SORCS3: variants seen among roughly 807,000 people sequenced by gnomAD.
The protein encoded by SORCS3 is VPS10 domain-containing receptor SorCS3.
Under a neutral mutation model 146.3 loss-of-function variants are expected in SORCS3, and 57 were observed. That is an observed-to-expected ratio of 0.39 (90% CI 0.31 to 0.49). The LOEUF is 0.49. Among genes scored for constraint, SORCS3 ranks in the 20% least tolerant of loss-of-function variants. SORCS3 has a pLI of 0.92. For synonymous variants in SORCS3, 653 were observed against 618.5 expected (o/e 1.06, Z -0.83); for missense variants, 1,341 against 1,575.5 (o/e 0.85, Z 2.52).
intron 1 of SORCS3, among the ~76,000 whole-genome samples, chr10:104,714,921 C>A (rs2016458776): frequency 6.6e-6 from 1 of 152,082 alleles, no homozygotes; most frequent in Non-Finnish European, 1.5e-5. Context: ...ATTAGGAAGA[C>A]CAGAGTCAAG....
At chr10:104,960,252 C>T (rs1366691149) in intron 3 of SORCS3, among the ~76,000 whole-genome samples, 1 of 152,132 alleles carries the variant, frequency 6.6e-6, no homozygotes, top group African/African-American at 2.4e-5. Context: ...AGATTGTTTT[C>T]CTCACGATAA....
intron 1 of SORCS3, among the ~76,000 whole-genome samples, chr10:104,772,711 C>T (rs555122478): frequency 6.6e-6 from 1 of 152,312 alleles, no homozygotes; most frequent in South Asian, 2.1e-4. Context: ...CCAGGAAAGA[C>T]CTCTTTCCTC....
chr10:104,730,099 G>A (rs2016689088), intron 1 of SORCS3, among the ~76,000 whole-genome samples: 1 of 152,184 alleles, frequency 6.6e-6, no homozygotes, highest in South Asian at 2.1e-4. Context: ...AAGATTCTAA[G>A]AGTCAAAATT....
intron 5 of SORCS3, among the ~76,000 whole-genome samples, chr10:105,080,319 G>A (rs1181553850): frequency 6.6e-6 from 1 of 152,134 alleles, no homozygotes; most frequent in Non-Finnish European, 1.5e-5. Flanking sequence ...ATGATGTTGA[G>A]CTGTTTTTCA....
chr10:104,742,348 T>A (rs2016858354), intron 1 of SORCS3, among the ~76,000 whole-genome samples: 1 of 152,224 alleles, frequency 6.6e-6, no homozygotes, highest in Admixed American at 6.5e-5. Context: ...ACCTTAGTAG[T>A]GTGCTGTGTG....
rs144656820 is a variant in SORCS3 at position 105,133,147 on chromosome 10, G to A, written c.1213-6250G>A. 1.6e-3 allele frequency among the ~76,000 whole-genome samples: 247 copies of A among 152,248 alleles called. 1 individual carries two copies. Among genetic ancestry groups the A allele is most frequent in the African/African-American group, 5.8e-3 (239 of 41,544 alleles). ...TGCGATCTTTGGAAAATAAATTCCT[G>A]CTTTTGTGAGGACTCTGCCCCTGAA... On this transcript the variant is annotated intron_variant, in intron 7 of 26. Transcript: ENST00000369701.
At chr10:104,723,616 G>C (rs1448432467) in intron 1 of SORCS3, among the ~76,000 whole-genome samples, 1 of 152,130 alleles carries the variant, frequency 6.6e-6, no homozygotes, top group Admixed American at 6.5e-5. Context: ...GGGAATCTAA[G>C]TCTCTTTGTA....
At position 104,842,841 on chromosome 10, in the gene SORCS3, C is replaced by A; in HGVS notation, c.677C>A (p.Thr226Asn). The A allele has an allele frequency of 6.2e-7, 1 of 1,613,892 alleles. No individual in the cohort carries two copies. Among genetic ancestry groups the A allele is most frequent in the Non-Finnish European group, 8.5e-7 (1 of 1,179,846 alleles). The change falls in exon 2 of 27, where the codon ACT becomes AAT. Residue 226 changes from threonine (T) to asparagine (N), a missense_variant. Physicochemically the swap from Thr to Asn is moderately conservative, Grantham distance 65. Transcript: ENST00000369701. ...TATGACTTCAACCTGGGCAGCGTGA[C>A]TGAGAGTTCACTATGGAGGTAAGCA... ...KLYDFNLGSV[T>N]ESSLWRSTDY...
At chr10:105,027,333 G>A (rs897734589) in intron 4 of SORCS3, among the ~76,000 whole-genome samples, 4 of 152,026 alleles carry the variant, frequency 2.6e-5, no homozygotes, top group Admixed American at 2.0e-4. Context: ...TTGTGTTCAC[G>A]GATCATAATA....
At chr10:104,747,396 A>G (rs2016923390) in intron 1 of SORCS3, among the ~76,000 whole-genome samples, 1 of 152,200 alleles carries the variant, frequency 6.6e-6, no homozygotes, top group South Asian at 2.1e-4. Context: ...GGGTCTATCC[A>G]TGTTGAGAAT....
At chr10:105,225,447 G>GT (rs201663453) in intron 20 of SORCS3, among the ~76,000 whole-genome samples, 1,707 of 151,274 alleles carry the variant, frequency 0.011, 38 homozygotes, top group African/African-American at 0.04. Flanking sequence ...CTGTTTTCCT[G>GT]TTTTTTTTCA....
rs117565960 is a variant in SORCS3, at chr10:104,713,330, C to A, written c.627+71376C>A. Among the ~76,000 whole-genome samples the A allele has an allele frequency of 3.2e-4, 48 of 152,306 alleles. 2 individuals carry two copies. In the East Asian group the frequency reaches 9.1e-3, roughly 29 times the overall value. On this transcript the variant is annotated intron_variant, in intron 1 of 26. Coordinates refer to ENST00000369701, the MANE Select transcript of SORCS3 (RefSeq NM_014978.3). ...TCCCAACCCTCCTCAGCCTCAGCAG[C>A]CTCCTGTAAACCTGAGGGAAAAATC... is the stretch of plus-strand genomic sequence containing the variant.
At chr10:104,958,383 C>T (rs964363699) in intron 3 of SORCS3, among the ~76,000 whole-genome samples, 11 of 152,066 alleles carry the variant, frequency 7.2e-5, no homozygotes, top group Admixed American at 2.0e-4. Context: ...TGCAATGCCC[C>T]GCTCCCCAGA....
intron 3 of SORCS3, among the ~76,000 whole-genome samples, chr10:104,957,966 C>G (rs1321552837): frequency 6.6e-6 from 1 of 152,086 alleles, no homozygotes; most frequent in East Asian, 1.9e-4. Flanking sequence ...GTCAAATTTG[C>G]AGCCGAAGGG....
At chr10:105,084,506 G>A (rs2055645671) in intron 5 of SORCS3, among the ~76,000 whole-genome samples, 1 of 152,116 alleles carries the variant, frequency 6.6e-6, no homozygotes, top group Non-Finnish European at 1.5e-5. Flanking sequence ...GTGGAGACTT[G>A]GGACTTTAAG....
intron 3 of SORCS3, among the ~76,000 whole-genome samples, chr10:104,963,155 T>G (rs2054805793): frequency 6.6e-6 from 1 of 152,238 alleles, no homozygotes; most frequent in Non-Finnish European, 1.5e-5. Context: ...TTATTGGGTT[T>G]CTGATGGTTT....
At chr10:104,649,715 T>C (rs773261591) in intron 1 of SORCS3, among the ~76,000 whole-genome samples, 1 of 152,260 alleles carries the variant, frequency 6.6e-6, no homozygotes, top group Non-Finnish European at 1.5e-5. Context: ...GGGACCTGTA[T>C]TCTTGAAATT....
At chr10:105,034,951 G>T (rs929240508) in intron 4 of SORCS3, among the ~76,000 whole-genome samples, 4 of 152,168 alleles carry the variant, frequency 2.6e-5, no homozygotes, top group African/African-American at 7.2e-5. Context: ...AATGACCCTA[G>T]TCCCCTCTTG....
chr10:105,026,835 T>G (rs527298041), intron 4 of SORCS3, among the ~76,000 whole-genome samples: 72 of 152,048 alleles, frequency 4.7e-4, no homozygotes, highest in African/African-American at 1.6e-3. Flanking sequence ...AAGAGGTGGG[T>G]GGGGGAAGGG....
Sources: allele counts gnomAD v4.1 joint callset (sites outside exome capture counted in the v4.1 genomes callset), GRCh38; gene constraint gnomAD v4.1.1; transcripts MANE v1.5; gene names NCBI Gene and HGNC (gene_info 2026-07-23, HGNC 2026-07-21).